The following FRMD4A variants were observed in gnomAD, a reference collection of about 807,000 sequenced individuals.
FRMD4A encodes the protein FERM domain containing 4A, also known as FERM domain-containing protein 4A.
A neutral mutation model predicts 129.1 loss-of-function variants in FRMD4A; 29 were observed. The ratio of observed to expected loss-of-function variants is 0.22; its 90% CI spans 0.17 to 0.31. The LOEUF is 0.31. FRMD4A is among the 10% of genes least tolerant of loss of function. The pLI is 1.00. For synonymous variants in FRMD4A, 634 were observed against 571.6 expected (o/e 1.11, Z -1.56); for missense variants, 1,272 against 1,375.8 (o/e 0.92, Z 1.19).
At chr10:14,312,250 T>G (rs542678898) in intron 2 of FRMD4A, among the ~76,000 whole-genome samples, 22 of 152,290 alleles carry the variant, frequency 1.4e-4, no homozygotes, top group Non-Finnish European at 2.8e-4. Flanking sequence ...GCCACTTGAA[T>G]TCTGTAGACA....
intron 16 of FRMD4A, among the ~76,000 whole-genome samples, chr10:13,671,765 C>T (rs1334091795): frequency 1.3e-5 from 2 of 152,218 alleles, no homozygotes; most frequent in Non-Finnish European, 2.9e-5. Flanking sequence ...GAAGTCACTT[C>T]CAGAGACCAG....
At chr10:13,965,698 T>C (rs1588598760) in intron 2 of FRMD4A, among the ~76,000 whole-genome samples, 1 of 152,224 alleles carries the variant, frequency 6.6e-6, no homozygotes, top group African/African-American at 2.4e-5. Context: ...GTATTTCCAA[T>C]GACAAGTTAT....
At chr10:13,970,324 G>T (rs1236976667) in intron 2 of FRMD4A, among the ~76,000 whole-genome samples, 7 of 152,116 alleles carry the variant, frequency 4.6e-5, no homozygotes, top group African/African-American at 1.7e-4. Context: ...GAAGAAGCAG[G>T]AGCAGGGGTC....
chr10:13,781,265 C>G (rs1185890673), intron 6 of FRMD4A, among the ~76,000 whole-genome samples: 1 of 122,568 alleles, frequency 8.2e-6, no homozygotes, highest in Non-Finnish European at 1.6e-5. Context: ...GATTGCACCA[C>G]TGAACTCCAG....
chr10:14,010,578 G>A (rs192844533), intron 2 of FRMD4A, among the ~76,000 whole-genome samples: 37 of 142,998 alleles, frequency 2.6e-4, no homozygotes, highest in Admixed American at 5.7e-4. Context: ...GGCTCTCAAA[G>A]GTTGCTGGTC....
intron 17 of FRMD4A, among the ~76,000 whole-genome samples, chr10:13,667,158 T>G (rs1358018239): frequency 1.3e-5 from 2 of 152,198 alleles, no homozygotes; most frequent in Non-Finnish European, 2.9e-5. Context: ...ACTATCCTTC[T>G]GCCTTGGCCT....
intron 2 of FRMD4A, among the ~76,000 whole-genome samples, chr10:13,977,826 C>G (rs1022596081): frequency 6.6e-6 from 1 of 152,194 alleles, no homozygotes; most frequent in Non-Finnish European, 1.5e-5. Context: ...TGTGCCAGTA[C>G]ATTTCTTTTC....
At chr10:13,685,829 T>C in intron 15 of FRMD4A, 1 of 156,542 alleles carries the variant, frequency 6.4e-6, no homozygotes, top group Non-Finnish European at 1.4e-5. Context: ...TGGAAAGTCA[T>C]TCATTTAGGT....
intron 2 of FRMD4A, among the ~76,000 whole-genome samples, chr10:14,178,785 A>G (rs1841817318): frequency 6.6e-6 from 1 of 152,166 alleles, no homozygotes; most frequent in African/African-American, 2.4e-5. Context: ...AACTTAGAAA[A>G]AAAAAAGTCA....
At chr10:13,994,318 T>A (rs2095614892) in intron 2 of FRMD4A, among the ~76,000 whole-genome samples, 1 of 151,774 alleles carries the variant, frequency 6.6e-6, no homozygotes, top group Non-Finnish European at 1.5e-5. Context: ...TAGCTGGGAC[T>A]ACAGGCGTGC....
At chr10:13,901,783 C>T (rs991015560) in intron 2 of FRMD4A, among the ~76,000 whole-genome samples, 187 of 152,094 alleles carry the variant, frequency 1.2e-3, no homozygotes, top group Non-Finnish European at 2.4e-3. Context: ...GCCCCGGGAC[C>T]TCCCAGCCCC....
At chr10:14,005,825 G>T (rs779096715) in intron 2 of FRMD4A, among the ~76,000 whole-genome samples, 13 of 152,178 alleles carry the variant, frequency 8.5e-5, no homozygotes, top group Non-Finnish European at 1.8e-4. Flanking sequence ...TGTTTATACA[G>T]GACAAGGGTA....
chr10:13,742,115 C>T (rs2091040524), intron 9 of FRMD4A, among the ~76,000 whole-genome samples: 1 of 152,172 alleles, frequency 6.6e-6, no homozygotes, highest in African/African-American at 2.4e-5. Context: ...CCCTGCCTCC[C>T]AAAGTGCTGG....
At chr10:14,314,761 G>A (rs921221595) in intron 2 of FRMD4A, among the ~76,000 whole-genome samples, 1 of 151,830 alleles carries the variant, frequency 6.6e-6, no homozygotes, top group African/African-American at 2.4e-5. Flanking sequence ...CCCTGGTTTC[G>A]TCCGACTCTT....
At chr10:14,275,198 T>C (rs1845295934) in intron 2 of FRMD4A, among the ~76,000 whole-genome samples, 1 of 152,206 alleles carries the variant, frequency 6.6e-6, no homozygotes, top group South Asian at 2.1e-4. Flanking sequence ...AAGCCTCTCT[T>C]GACTCTGACC....
chr10:13,935,787 C>T (rs946548813), intron 2 of FRMD4A, among the ~76,000 whole-genome samples: 1 of 152,268 alleles, frequency 6.6e-6, no homozygotes, highest in Middle Eastern at 3.4e-3. Context: ...ATCCTCCTTC[C>T]TACTAAAAAG....
intron 21 of FRMD4A, 38 bp downstream of exon 21, chr10:13,659,281 AAAGG>A: frequency 6.3e-7 from 1 of 1,587,448 alleles, no homozygotes; most frequent in African/African-American, 1.3e-5. Context: ...CCAATTTTAA[AAAGG>A]AAGGCTTGGT....
intron 2 of FRMD4A, among the ~76,000 whole-genome samples, chr10:14,071,927 G>A (rs545432475): frequency 1.3e-5 from 2 of 152,280 alleles, no homozygotes; most frequent in South Asian, 2.1e-4. Flanking sequence ...TTCCTTCCCC[G>A]TGTTGCAAGG....
chr10:14,111,356 G>T (rs550965698), intron 2 of FRMD4A, among the ~76,000 whole-genome samples: 1 of 152,148 alleles, frequency 6.6e-6, no homozygotes, highest in Admixed American at 6.5e-5. Flanking sequence ...CTATGCCATG[G>T]GTTTCCCTGA....
Sources: gnomAD v4.1 joint callset for allele counts (sites outside exome capture counted in the v4.1 genomes callset) on GRCh38, gnomAD v4.1.1 for gene constraint, MANE v1.5 for transcripts, NCBI Gene and HGNC (gene_info 2026-07-23, HGNC 2026-07-21) for gene names.